Variants in FBXO31 observed in about 807,000 individuals in gnomAD.
The protein encoded by FBXO31 is F-box protein 31.
Under a neutral mutation model 54.4 loss-of-function variants are expected in FBXO31, and 24 were observed. The observed-to-expected ratio is 0.44, with a 90% CI of 0.32 to 0.62. The LOEUF (loss-of-function observed/expected upper bound fraction) is 0.62, where lower values mean the gene tolerates loss of function less well. Among genes scored for constraint, FBXO31 ranks in the 20% least tolerant of loss-of-function variants. FBXO31 has a pLI of 0.05. For synonymous variants in FBXO31, 388 were observed against 335.6 expected (o/e 1.16, Z -1.71); for missense variants, 665 against 787.1 (o/e 0.84, Z 1.86).
Position 87,329,807 on chromosome 16 carries a change from T to C in FBXO31, c.*1481A>G, listed in dbSNP as rs1597354819. The C allele has an allele frequency of 6.6e-6, 1 of 152,256 alleles. No homozygotes were observed. Among genetic ancestry groups the C allele is most frequent in the Non-Finnish European group, 1.5e-5 (1 of 68,040 alleles). The allele number at this position is 152,256 out of a possible 1,614,324, so 9.4% of individuals were successfully genotyped here. ...CATTTAGGAACCTTTGCCAATTCTC[T>C]GACTCTGGGAAGCAAAGTAAGCATT... is the stretch of plus-strand genomic sequence containing the variant. On this transcript the variant is annotated 3_prime_UTR_variant, in exon 9 of 9. Transcript: ENST00000311635.
At chr16:87,354,425 C>T (rs962831499) in intron 2 of FBXO31, among the ~76,000 whole-genome samples, 4 of 151,720 alleles carry the variant, frequency 2.6e-5, no homozygotes, top group African/African-American at 9.7e-5. Flanking sequence ...GAGCCATAAC[C>T]GCGCCAGTAC....
At chr16:87,371,140 C>T (rs1260061694) in intron 1 of FBXO31, among the ~76,000 whole-genome samples, 2 of 152,188 alleles carry the variant, frequency 1.3e-5, no homozygotes, top group African/African-American at 4.8e-5. Context: ...AAAGCCTGGG[C>T]GCAGCCCCCA....
rs150450652 is a variant in FBXO31 at position 87,343,600 on chromosome 16, G to C, written c.655C>G (p.Gln219Glu). 1 of 1,605,970 alleles carries C rather than the reference G, an allele frequency of 6.2e-7. No individual in the cohort carries two copies. The highest frequency in any genetic ancestry group is 1.3e-5 in the African/African-American group (1 of 74,810). ...GHKGPHHGHI[Q>E]IVKKDEFSTK... ...CCCAGCCCCGCCGCTGCACACACCT[G>C]GATGTGGCCGTGGTGGGGCCCTTTG... is the stretch of plus-strand genomic sequence containing the variant. The change falls in exon 4 of 9, where the codon CAG (glutamine) becomes GAG (glutamate). Residue 219 changes from glutamine to glutamate, a missense_variant and splice_region_variant. This residue lies in a region of FBXO31 where 234 missense variants were observed against 346.8 expected (regional missense o/e 0.67). Transcript: ENST00000311635.
intron 2 of FBXO31, among the ~76,000 whole-genome samples, chr16:87,347,549 G>A (rs1420072630): frequency 3.9e-5 from 6 of 151,970 alleles, no homozygotes; most frequent in Admixed American, 2.0e-4. Flanking sequence ...GTGTGGTGGC[G>A]GGTGCCTGTA....
intron 1 of FBXO31, among the ~76,000 whole-genome samples, chr16:87,389,207 A>C (rs1907430477): frequency 6.6e-6 from 1 of 152,196 alleles, no homozygotes; most frequent in African/African-American, 2.4e-5. Context: ...ATGGGAATGA[A>C]ACCTATGAGC....
At chr16:87,350,968 C>T (rs1348647155) in intron 2 of FBXO31, among the ~76,000 whole-genome samples, 1 of 152,240 alleles carries the variant, frequency 6.6e-6, no homozygotes. Context: ...AAAGCGACAA[C>T]ACCTTCGCTG....
Position 87,359,654 on chromosome 16 carries a change from G to A in FBXO31, c.412+641C>T, listed in dbSNP as rs1906047548. On this transcript the variant is annotated intron_variant, in intron 2 of 8. Coordinates refer to ENST00000311635, the MANE Select transcript of FBXO31 (RefSeq NM_024735.5). Reference sequence around the variant, plus strand: ...AAACGTGGGGTATGAGACACTCACAGAAACCCTCTGACCATCCAAAAAAGC... The same window carrying A: ...AAACGTGGGGTATGAGACACTCACAAAAACCCTCTGACCATCCAAAAAAGC... Among the ~76,000 whole-genome samples, 2 of 152,218 alleles carry A rather than the reference G, an allele frequency of 1.3e-5. 1 individual carries two copies. The highest frequency in any genetic ancestry group is 4.1e-4 in the South Asian group (2 of 4,832).
In FBXO31 at chr16:87,383,257, A is replaced by G. The variant is rs1452332454; in HGVS notation, c.340+148T>C. 3 of 746,186 alleles carry G rather than the reference A, an allele frequency of 4.0e-6. No homozygotes were observed. The Admixed American group carries it at 1.1e-4, about 28-fold the overall frequency. 46.2% of individuals were successfully genotyped at this position (746,186 alleles called of 1,614,324 possible). ...CGTGGTGTCACCGCGGCCGCTCCCCACCCACACCCAAAACACCACATCGCC... is the reference window on the plus strand; with the variant it reads ...CGTGGTGTCACCGCGGCCGCTCCCCGCCCACACCCAAAACACCACATCGCC... On this transcript the variant is annotated intron_variant, in intron 1 of 8. Transcript: ENST00000311635. The surrounding 1 kb of genome is among the most constrained non-coding windows in gnomAD (Gnocchi z 4.9).
At chr16:87,380,081 C>G (rs547115620) in intron 1 of FBXO31, among the ~76,000 whole-genome samples, 18 of 149,286 alleles carry the variant, frequency 1.2e-4, no homozygotes, top group African/African-American at 3.7e-4. Context: ...AGGCAGATCA[C>G]AAGGTGAGGA....
upstream of FBXO31, among the ~76,000 whole-genome samples, chr16:87,390,246 A>C (rs553697201): frequency 6.6e-6 from 1 of 152,196 alleles, no homozygotes; most frequent in Non-Finnish European, 1.5e-5. Flanking sequence ...ACGCCACTGC[A>C]CTCCAGCCTG....
At chr16:87,350,850 C>T (rs1258305134) in intron 2 of FBXO31, among the ~76,000 whole-genome samples, 1 of 152,202 alleles carries the variant, frequency 6.6e-6, no homozygotes, top group Non-Finnish European at 1.5e-5. Context: ...AGTGGGAGTT[C>T]CCTGTTGTGC....
chr16:87,367,496 C>T (rs1158048910), intron 1 of FBXO31: 1 of 152,244 alleles, frequency 6.6e-6, no homozygotes, highest in Non-Finnish European at 1.5e-5. Flanking sequence ...CAGTCAGCTG[C>T]CACTATTTCC....
chr16:87,337,057 G>C (rs768422877), intron 5 of FBXO31, among the ~76,000 whole-genome samples: 30 of 152,286 alleles, frequency 2.0e-4, no homozygotes, highest in Middle Eastern at 3.4e-3. Context: ...TCCAAACTCC[G>C]ACAAGAAACA....
upstream of FBXO31, chr16:87,392,047 A>G (rs77019223): frequency 0.068 from 13,165 of 194,698 alleles, 602 homozygotes; most frequent in Non-Finnish European, 0.097. Context: ...CCGAGCGCCC[A>G]CAGACCCGGG....
intron 1 of FBXO31, among the ~76,000 whole-genome samples, chr16:87,366,455 C>T (rs577485198): frequency 3.9e-5 from 6 of 152,234 alleles, no homozygotes; most frequent in Admixed American, 2.6e-4. Flanking sequence ...GTGAAGAGAG[C>T]GGGCAAGATC....
At chr16:87,389,112 CTTATA>C (rs1456303466) in intron 1 of FBXO31, among the ~76,000 whole-genome samples, 1 of 151,572 alleles carries the variant, frequency 6.6e-6, no homozygotes, top group Non-Finnish European at 1.5e-5. Context: ...GAAGTTGTTT[CTTATA>C]TTTATTTGTA....
intron 1 of FBXO31, among the ~76,000 whole-genome samples, chr16:87,379,185 C>T (rs1278419660): frequency 2.0e-5 from 3 of 152,142 alleles, no homozygotes; most frequent in East Asian, 1.9e-4. Flanking sequence ...AGTGCAATGG[C>T]ATGCATGATC....
chr16:87,365,915 C>G (rs1046088231), intron 1 of FBXO31, among the ~76,000 whole-genome samples: 4 of 152,152 alleles, frequency 2.6e-5, no homozygotes, highest in African/African-American at 9.7e-5. Context: ...GTAATCCCAG[C>G]TACTCAGGAG....
intron 1 of FBXO31, among the ~76,000 whole-genome samples, chr16:87,379,110 T>G (rs376140663): frequency 1.3e-5 from 2 of 152,078 alleles, no homozygotes; most frequent in Admixed American, 1.3e-4. Context: ...TTATGAACCA[T>G]CACATACCCT....
Sources: gnomAD v4.1 joint callset for allele counts (sites outside exome capture counted in the v4.1 genomes callset) on GRCh38, gnomAD v4.1.1 for gene constraint, gnomAD v4.1.1 regional missense constraint, Gnocchi (gnomAD v3.1) non-coding constraint, MANE v1.5 for transcripts, NCBI Gene and HGNC (gene_info 2026-07-23, HGNC 2026-07-21) for gene names.